The following PCDH15 variants were observed in gnomAD, a reference collection of about 807,000 sequenced individuals.
The protein encoded by PCDH15 is protocadherin related 15.
A neutral mutation model predicts 178.5 loss-of-function variants in PCDH15; 129 were observed. The ratio of observed to expected loss-of-function variants is 0.72; its 90% CI spans 0.63 to 0.84. The LOEUF (loss-of-function observed/expected upper bound fraction) is 0.84, where lower values mean the gene tolerates loss of function less well. Ranked by LOEUF, PCDH15 falls within the 40% of genes least tolerant of loss-of-function variation. The pLI is 0.00. For missense variants in PCDH15, 2,230 were observed against 2,099.9 expected (o/e 1.06, Z -1.21); for synonymous variants, 800 against 732.0 (o/e 1.09, Z -1.50).
At chr10:54,939,369 C>T (rs1591795639) in intron 2 of PCDH15, among the ~76,000 whole-genome samples, 1 of 151,448 alleles carries the variant, frequency 6.6e-6, no homozygotes, top group African/African-American at 2.4e-5. Flanking sequence ...GTGGCGGGCC[C>T]CTGTAGTCCC....
intron 2 of PCDH15, among the ~76,000 whole-genome samples, chr10:55,533,742 T>C (rs1352998827): frequency 2.6e-5 from 4 of 151,684 alleles, no homozygotes; most frequent in African/African-American, 9.7e-5. Context: ...AAGATCTATA[T>C]GGAACCAAAA....
At chr10:54,774,705 G>A (rs1033679024) in intron 1 of PCDH15, among the ~76,000 whole-genome samples, 6 of 152,116 alleles carry the variant, frequency 3.9e-5, no homozygotes, top group African/African-American at 1.4e-4. Context: ...TTAAATTCCA[G>A]TAGTAGGTAA....
intron 11 of PCDH15, among the ~76,000 whole-genome samples, chr10:54,192,162 GAA>G (rs1265044607): frequency 7.3e-6 from 1 of 136,532 alleles, no homozygotes; most frequent in Admixed American, 7.4e-5. Flanking sequence ...GAAAAAGAAA[GAA>G]AGAAAGAAAA....
At chr10:55,140,165 T>C (rs549838852) in intron 2 of PCDH15, among the ~76,000 whole-genome samples, 1 of 152,092 alleles carries the variant, frequency 6.6e-6, no homozygotes, top group Admixed American at 6.5e-5. Context: ...ATATTTTTCT[T>C]TTCAATTTTG....
chr10:54,358,932 A>G (rs531397290), intron 5 of PCDH15, among the ~76,000 whole-genome samples: 3 of 148,460 alleles, frequency 2.0e-5, no homozygotes, highest in Middle Eastern at 3.5e-3. Context: ...AACACCGCAT[A>G]TTCTCATTCA....
chr10:54,992,323 C>T (rs1375820999), intron 2 of PCDH15, among the ~76,000 whole-genome samples: 3 of 152,088 alleles, frequency 2.0e-5, no homozygotes, highest in African/African-American at 7.2e-5. Context: ...ACACTTGATC[C>T]AAGCTGAGGC....
intron 2 of PCDH15, among the ~76,000 whole-genome samples, chr10:55,022,070 T>C (rs939754571): frequency 1.2e-4 from 19 of 152,076 alleles, no homozygotes; most frequent in Non-Finnish European, 1.5e-5. Context: ...TGTTGGTCAA[T>C]GGATATATAA....
chr10:54,611,614 A>G (rs1011742360), intron 2 of PCDH15, among the ~76,000 whole-genome samples: 11 of 151,908 alleles, frequency 7.2e-5, no homozygotes, highest in Non-Finnish European at 1.5e-4. Context: ...GTGACAGAAC[A>G]TATGAGGCAG....
chr10:54,987,875 CATTT>C (rs1839410831), intron 2 of PCDH15, among the ~76,000 whole-genome samples: 1 of 152,090 alleles, frequency 6.6e-6, no homozygotes, highest in African/African-American at 2.4e-5. Context: ...AATTAGATCT[CATTT>C]GTCAATTTTG....
intron 1 of PCDH15, among the ~76,000 whole-genome samples, chr10:55,318,904 A>G (rs931258132): frequency 2.0e-5 from 3 of 152,306 alleles, no homozygotes; most frequent in Admixed American, 6.5e-5. Context: ...CTGGCAAATC[A>G]TAACCATACT....
In PCDH15 at chr10:55,220,214, G is replaced by A. The variant is rs993813731; in HGVS notation, c.-155-53563C>T. On this transcript the variant is annotated intron_variant, in intron 1 of 5. Transcript: ENST00000458638. ...AAACATTGCAGTGTAGTACATCAAG[G>A]AGTTGTACCAGCAAACTCTCCCTGA... Among the ~76,000 whole-genome samples, 4 of 151,884 alleles carry A rather than the reference G, an allele frequency of 2.6e-5. 1 individual carries two copies. Among genetic ancestry groups the A allele is most frequent in the African/African-American group, 9.7e-5 (4 of 41,312 alleles).
intron 3 of PCDH15, among the ~76,000 whole-genome samples, chr10:54,523,307 G>A (rs990957563): frequency 2.6e-5 from 4 of 152,092 alleles, no homozygotes; most frequent in African/African-American, 9.7e-5. Context: ...AAACCCATTT[G>A]AATTTAACCA....
At chr10:55,333,166 A>C (rs1056044591) in intron 2 of PCDH15, among the ~76,000 whole-genome samples, 1 of 152,188 alleles carries the variant, frequency 6.6e-6, no homozygotes, top group Non-Finnish European at 1.5e-5. Flanking sequence ...TAACTTTAAC[A>C]TCATAATAAG....
At chr10:53,931,734 T>C (rs887693287) in intron 25 of PCDH15, among the ~76,000 whole-genome samples, 3 of 152,174 alleles carry the variant, frequency 2.0e-5, no homozygotes, top group Admixed American at 1.3e-4. Context: ...AATAGTACTA[T>C]GGTAAAGGTA....
chr10:55,471,724 C>A (rs769935168), intron 2 of PCDH15, among the ~76,000 whole-genome samples: 1 of 152,124 alleles, frequency 6.6e-6, no homozygotes, highest in Non-Finnish European at 1.5e-5. Flanking sequence ...AATATTATAG[C>A]GGAAGCTATT....
chr10:54,242,688 T>C (rs952517459), intron 8 of PCDH15, among the ~76,000 whole-genome samples: 1 of 152,156 alleles, frequency 6.6e-6, no homozygotes, highest in African/African-American at 2.4e-5. Flanking sequence ...AATAGAAGCA[T>C]TGTTAAAATA....
At chr10:54,061,522 T>G (rs1661087314) in intron 18 of PCDH15, among the ~76,000 whole-genome samples, 1 of 152,190 alleles carries the variant, frequency 6.6e-6, no homozygotes, top group South Asian at 2.1e-4. Context: ...GTATTTTTAT[T>G]TCCTTTTTTT....
rs60073886 is a variant in PCDH15, at chr10:55,094,929, CT to C, written c.-80+71646del. 3.3e-3 allele frequency among the ~76,000 whole-genome samples: 435 copies of C among 130,326 alleles called. 1 individual carries two copies. Among genetic ancestry groups the C allele is most frequent in the Middle Eastern group, 4.0e-3 (1 of 248 alleles). The allele number at this position is 130,326 out of a possible 152,430, so 85.5% of individuals were successfully genotyped here. ...AAAAAACAAACTCTATATCCAAATTCTTTTTTTTTTTTTTTTTTATCTCACT... is the reference window on the plus strand; with the variant it reads ...AAAAAACAAACTCTATATCCAAATTCTTTTTTTTTTTTTTTTTATCTCACT... On this transcript the variant is annotated intron_variant, in intron 2 of 5. Transcript: ENST00000458638.
At chr10:54,997,028 G>C (rs1247941066) in intron 2 of PCDH15, among the ~76,000 whole-genome samples, 1 of 151,276 alleles carries the variant, frequency 6.6e-6, no homozygotes, top group East Asian at 2.0e-4. Flanking sequence ...AGAATTGCTT[G>C]AAGCCTGGAG....
Sources: gnomAD v4.1 joint callset for allele counts (sites outside exome capture counted in the v4.1 genomes callset) on GRCh38, gnomAD v4.1.1 for gene constraint, MANE v1.5 for transcripts, NCBI Gene and HGNC (gene_info 2026-07-23, HGNC 2026-07-21) for gene names.